ZFHX3: variants seen among roughly 807,000 people sequenced by gnomAD.
The protein encoded by ZFHX3 is zinc finger homeobox protein 3.
Under a neutral mutation model 279.1 loss-of-function variants are expected in ZFHX3, and 42 were observed. That is an observed-to-expected ratio of 0.15 (90% CI 0.12 to 0.19). The LOEUF (loss-of-function observed/expected upper bound fraction) is 0.19, where lower values mean the gene tolerates loss of function less well. Ranked by LOEUF, ZFHX3 falls within the 10% of genes least tolerant of loss-of-function variation. The pLI, the probability that ZFHX3 is intolerant of heterozygous loss-of-function variation, is 1.00. For missense variants in ZFHX3, 4,981 were observed against 4,754.0 expected, an observed-to-expected ratio of 1.05 and a Z score of -1.40; for synonymous variants, 2,293 against 1,957.8, an observed-to-expected ratio of 1.17 and a Z score of -4.52.
intron 5 of ZFHX3, among the ~76,000 whole-genome samples, chr16:73,169,472 C>A (rs1287364138): frequency 6.6e-6 from 1 of 152,100 alleles, no homozygotes; most frequent in Non-Finnish European, 1.5e-5. Flanking sequence ...GAAACCCCGT[C>A]TCTACTAAAA....
At chr16:73,443,097 T>G (rs1441673323) in intron 3 of ZFHX3, among the ~76,000 whole-genome samples, 1 of 152,188 alleles carries the variant, frequency 6.6e-6, no homozygotes, top group African/African-American at 2.4e-5. Context: ...GTATGGGGAT[T>G]AGAATTTCAA....
intron 4 of ZFHX3, among the ~76,000 whole-genome samples, chr16:72,875,290 G>A (rs1490671385): frequency 6.6e-6 from 1 of 152,228 alleles, no homozygotes; most frequent in Non-Finnish European, 1.5e-5. Flanking sequence ...TGCAGACTGG[G>A]GGCAGAAACT....
intron 5 of ZFHX3, among the ~76,000 whole-genome samples, chr16:73,184,283 T>C (rs936342709): frequency 3.3e-5 from 5 of 152,156 alleles, no homozygotes; most frequent in African/African-American, 1.2e-4. Flanking sequence ...TTCAGAGTGA[T>C]CAAGAGACAG....
rs964400505 is a variant in ZFHX3, at chr16:73,536,115, C to A, written c.-1546-79857G>T. 2.0e-5 allele frequency among the ~76,000 whole-genome samples: 3 copies of A among 152,230 alleles called. No homozygotes were observed. The East Asian group carries it at 5.8e-4, about 29-fold the overall frequency. The stretch of plus-strand genomic sequence containing the variant: ...ACAAGTGTTCTCAGCATATATTATG[C>A]TTAGTTGATTGGGGTTGGCTGGAGT... On this transcript the variant is annotated intron_variant, in intron 2 of 17. Coordinates refer to the ZFHX3 transcript ENST00000641206.
chr16:73,654,070 G>C (rs2052697866), intron 2 of ZFHX3, among the ~76,000 whole-genome samples: 1 of 151,780 alleles, frequency 6.6e-6, no homozygotes, highest in African/African-American at 2.4e-5. Context: ...TGTAGTCCCA[G>C]CTACTCAGGA....
At position 73,416,138 on chromosome 16, in the gene ZFHX3, AC is replaced by A. The variant is rs1477570712; in HGVS notation, c.-1291+39864del. Among the ~76,000 whole-genome samples the A allele has an allele frequency of 4.2e-3, 625 of 149,684 alleles. 11 individuals carry two copies. The highest frequency in any genetic ancestry group is 0.014 in the African/African-American group (557 of 39,850). On this transcript the variant is annotated intron_variant, in intron 3 of 17. Coordinates refer to the ZFHX3 transcript ENST00000641206. Reference sequence around the variant, plus strand: ...ACTCCATCTCAAAAAAAAAAAAAAAACAAAAAACGGAAAACAAACAAACAAA... The same window carrying A: ...ACTCCATCTCAAAAAAAAAAAAAAAAAAAAAACGGAAAACAAACAAACAAA...
intron 5 of ZFHX3, among the ~76,000 whole-genome samples, chr16:73,155,705 C>T (rs1338433528): frequency 1.3e-5 from 2 of 151,964 alleles, no homozygotes; most frequent in South Asian, 2.1e-4. Flanking sequence ...CGCATGTAAC[C>T]CCAGCTACTC....
intron 3 of ZFHX3, among the ~76,000 whole-genome samples, chr16:73,354,647 G>T (rs888362326): frequency 3.3e-5 from 5 of 152,228 alleles, no homozygotes; most frequent in Non-Finnish European, 7.3e-5. Flanking sequence ...AGGAGGCCAA[G>T]AATTTTCCCG....
At chr16:73,509,153 A>G (rs955738609) in intron 2 of ZFHX3, among the ~76,000 whole-genome samples, 7 of 152,196 alleles carry the variant, frequency 4.6e-5, no homozygotes, top group African/African-American at 1.7e-4. Context: ...GTTGATCACA[A>G]CGGTGACTAC....
At chr16:73,837,060 T>C (rs539635146) in intron 1 of ZFHX3, among the ~76,000 whole-genome samples, 1 of 152,336 alleles carries the variant, frequency 6.6e-6, no homozygotes, top group South Asian at 2.1e-4. Flanking sequence ...ACTTATTTTC[T>C]TTAGAAATTA....
intron 1 of ZFHX3, among the ~76,000 whole-genome samples, chr16:73,735,891 GTTTTTTTTTTT>G (rs1172810644): frequency 6.9e-5 from 1 of 14,586 alleles, no homozygotes; most frequent in African/African-American, 1.1e-4. Context: ...CAGCCATTCC[GTTTTTTTTTTT>G]TTTTTTTTTT....
intron 2 of ZFHX3, among the ~76,000 whole-genome samples, chr16:73,611,511 T>C (rs1251373143): frequency 6.6e-6 from 1 of 152,212 alleles, no homozygotes; most frequent in Non-Finnish European, 1.5e-5. Context: ...TTACATAAAA[T>C]ATTTTTTGAA....
chr16:72,913,736 A>G (rs940814179), intron 3 of ZFHX3, among the ~76,000 whole-genome samples: 3 of 152,210 alleles, frequency 2.0e-5, no homozygotes, highest in Non-Finnish European at 4.4e-5. Context: ...TAAAATAAAA[A>G]CATCTCGTAA....
intron 5 of ZFHX3, among the ~76,000 whole-genome samples, chr16:73,151,278 CA>C (rs755530705): frequency 5.7e-4 from 87 of 152,134 alleles, no homozygotes; most frequent in Non-Finnish European, 1.1e-3. Context: ...ACGTACAACA[CA>C]AAAAGTGGTG....
intron 8 of ZFHX3, among the ~76,000 whole-genome samples, chr16:73,067,336 A>G (rs1034150969): frequency 1.3e-5 from 2 of 152,186 alleles, no homozygotes; most frequent in African/African-American, 2.4e-5. Flanking sequence ...TCTTCAGGGA[A>G]GGGCTTCCTG....
At chr16:73,769,481 T>C (rs560704850) in intron 1 of ZFHX3, among the ~76,000 whole-genome samples, 1 of 152,290 alleles carries the variant, frequency 6.6e-6, no homozygotes, top group South Asian at 2.1e-4. Flanking sequence ...GAATTAATAG[T>C]ACCATGCTAC....
intron 4 of ZFHX3, among the ~76,000 whole-genome samples, chr16:72,839,475 A>G (rs16971324): frequency 0.029 from 4,481 of 152,300 alleles, 463 homozygotes; most frequent in East Asian, 0.19. Flanking sequence ...CATGCAAAAT[A>G]GAAGGTCCTT....
intron 7 of ZFHX3, among the ~76,000 whole-genome samples, chr16:73,104,311 A>G (rs1456919194): frequency 1.3e-5 from 2 of 151,818 alleles, no homozygotes; most frequent in Non-Finnish European, 2.9e-5. Context: ...GTTCGATGCA[A>G]CCTCCACCTC....
At chr16:73,065,272 T>C (rs1003585313) in intron 8 of ZFHX3, among the ~76,000 whole-genome samples, 13 of 152,152 alleles carry the variant, frequency 8.5e-5, no homozygotes, top group Non-Finnish European at 1.6e-4. Flanking sequence ...AGGCGTGCGA[T>C]AACGGAGGGA....
Sources: allele counts gnomAD v4.1 joint callset (sites outside exome capture counted in the v4.1 genomes callset), GRCh38; gene constraint gnomAD v4.1.1; transcripts MANE v1.5; gene names NCBI Gene and HGNC (gene_info 2026-07-23, HGNC 2026-07-21).